The following NAA11 variants were observed in gnomAD, a reference collection of about 807,000 sequenced individuals.
NAA11 encodes the protein N-alpha-acetyltransferase 11.
Under a neutral mutation model 16.1 loss-of-function variants are expected in NAA11, and 15 were observed. The ratio of observed to expected loss-of-function variants is 0.93; its 90% CI spans 0.62 to 1.44. The LOEUF (loss-of-function observed/expected upper bound fraction) is 1.44, where lower values mean the gene tolerates loss of function less well. Ranked by LOEUF, NAA11 falls within the 40% of genes most tolerant of loss-of-function variation. NAA11 has a pLI of 0.00. For synonymous variants in NAA11, 122 were observed against 112.4 expected, an observed-to-expected ratio of 1.09 and a Z score of -0.54; for missense variants, 298 against 291.3, an observed-to-expected ratio of 1.02 and a Z score of -0.17.
the NAA11 span, among the ~76,000 whole-genome samples, chr4:79,206,406 A>AAT: frequency 6.6e-6 from 1 of 152,108 alleles, no homozygotes; most frequent in Non-Finnish European, 1.5e-5. Flanking sequence ...ATAAATAGTA[A>AAT]CTTCTCTTAG....
chr4:79,288,658 T>C (rs956702955), intron 2 of NAA11, among the ~76,000 whole-genome samples: 2 of 152,170 alleles, frequency 1.3e-5, no homozygotes, highest in East Asian at 1.9e-4. Flanking sequence ...TTTATAGATA[T>C]CATTATTTAC....
chr4:79,186,773 C>T, the NAA11 span, among the ~76,000 whole-genome samples: 27 of 152,050 alleles, frequency 1.8e-4, no homozygotes, highest in African/African-American at 5.5e-4. Context: ...TGAGTACCAA[C>T]GACAAGCCAG....
At chr4:79,299,902 A>G (rs773284759) in intron 1 of NAA11, among the ~76,000 whole-genome samples, 6 of 143,098 alleles carry the variant, frequency 4.2e-5, no homozygotes, top group Non-Finnish European at 7.5e-5. Flanking sequence ...TTTTGTTAGC[A>G]ATGGAGACTG....
At chr4:79,178,996 G>C in the NAA11 span, among the ~76,000 whole-genome samples, 1 of 152,112 alleles carries the variant, frequency 6.6e-6, no homozygotes, top group Non-Finnish European at 1.5e-5. Flanking sequence ...GAGAGAGAAG[G>C]GGTTTGGACT....
chr4:79,248,754 C>T (rs1389203413), intron 2 of NAA11, among the ~76,000 whole-genome samples: 1 of 152,204 alleles, frequency 6.6e-6, no homozygotes, highest in Non-Finnish European at 1.5e-5. Context: ...CCTGCATAAA[C>T]CTGCACGTGG....
chr4:79,323,725 G>A (rs1036204436), intron 1 of NAA11, among the ~76,000 whole-genome samples: 4 of 152,214 alleles, frequency 2.6e-5, no homozygotes, highest in African/African-American at 9.6e-5. Context: ...GGAGGCTGAG[G>A]CAGCGGAATG....
At chr4:79,283,532 T>C (rs539475758) in intron 2 of NAA11, among the ~76,000 whole-genome samples, 1 of 152,184 alleles carries the variant, frequency 6.6e-6, no homozygotes, top group South Asian at 2.1e-4. Context: ...GGAATTTCTG[T>C]TTGATTGCTT....
At chr4:79,249,364 G>C (rs567550453) in intron 2 of NAA11, among the ~76,000 whole-genome samples, 2 of 152,274 alleles carry the variant, frequency 1.3e-5, no homozygotes, top group South Asian at 4.1e-4. Flanking sequence ...AGGAATCTAA[G>C]GATTAGGATA....
the NAA11 span, among the ~76,000 whole-genome samples, chr4:79,167,938 G>A: frequency 1.3e-5 from 2 of 151,958 alleles, no homozygotes; most frequent in South Asian, 2.1e-4. Flanking sequence ...TTGTTACATA[G>A]GTGCACCTGT....
At chr4:79,218,732 G>A in the NAA11 span, among the ~76,000 whole-genome samples, 3 of 151,946 alleles carry the variant, frequency 2.0e-5, no homozygotes, top group Non-Finnish European at 4.4e-5. Context: ...CTTTACAATT[G>A]AGGTGTAATT....
chr4:79,231,777 C>G (rs964716832), intron 2 of NAA11, among the ~76,000 whole-genome samples: 1 of 151,608 alleles, frequency 6.6e-6, no homozygotes, highest in Non-Finnish European at 1.5e-5. Context: ...TCTAGATCCA[C>G]CACCAGTTTA....
In NAA11 at chr4:79,325,762, G is replaced by T; in HGVS notation, c.116C>A (p.Pro39His). ...ATCCTCAGCGATGTAAGAAAGCTGG[G>T]GCCAGGAAAGGCCATGATATAAATA... The part of the protein sequence containing the change: ...KYYLYHGLSW[P>H]QLSYIAEDED... Residue 39 changes from proline (P) to histidine (H), a missense_variant, in exon 1 of 2, where the codon CCC becomes CAC. Transcript: ENST00000286794. 2 of 1,614,154 alleles carry T rather than the reference G, an allele frequency of 1.2e-6. No individual in the cohort carries two copies. The highest frequency in any genetic ancestry group is 1.7e-6 in the Non-Finnish European group (2 of 1,180,014).
the NAA11 span, among the ~76,000 whole-genome samples, chr4:79,183,327 G>A: frequency 6.6e-6 from 1 of 152,066 alleles, no homozygotes. Context: ...AACAAATTTT[G>A]TGCCAAAGGA....
intron 1 of NAA11, among the ~76,000 whole-genome samples, chr4:79,298,288 A>C (rs867518495): frequency 6.6e-6 from 1 of 152,194 alleles, no homozygotes; most frequent in Admixed American, 6.5e-5. Context: ...AGAAGTCGGG[A>C]CCCACTGAAT....
At position 79,323,055 on chromosome 4, in the gene NAA11, ACTC is replaced by A. The variant is rs773095360; in HGVS notation, c.*12+2118_*12+2120del. On this transcript the variant is annotated intron_variant, in intron 1 of 1. Transcript: ENST00000286794. ...CAGTCTGTCTTGATCACTGCTGTAT[ACTC>A]AGCTCCAAGCCTAATGCCTGACAAA... Among the ~76,000 whole-genome samples, 28 of 152,350 alleles carry A rather than the reference ACTC, an allele frequency of 1.8e-4. No individual in the cohort carries two copies. The East Asian group carries it at 2.3e-3, about 13-fold the overall frequency.
chr4:79,228,101 T>C (rs565398903), intron 2 of NAA11: 1 of 152,150 alleles, frequency 6.6e-6, no homozygotes, highest in South Asian at 2.1e-4. Flanking sequence ...TGCCTGTTGA[T>C]AGAGTCCACT....
At chr4:79,324,747 C>T (rs546153995) in intron 1 of NAA11, among the ~76,000 whole-genome samples, 1 of 152,286 alleles carries the variant, frequency 6.6e-6, no homozygotes, top group African/African-American at 2.4e-5. Context: ...ACAAAGTGCT[C>T]CAACTTTTAC....
chr4:79,320,509 A>G (rs544130801), intron 1 of NAA11, among the ~76,000 whole-genome samples: 4 of 152,302 alleles, frequency 2.6e-5, no homozygotes, highest in South Asian at 4.1e-4. Flanking sequence ...CACTATCTGT[A>G]TAACATGCAG....
At chr4:79,241,978 T>C (rs1186084886) in intron 2 of NAA11, among the ~76,000 whole-genome samples, 1 of 152,200 alleles carries the variant, frequency 6.6e-6, no homozygotes, top group Admixed American at 6.5e-5. Flanking sequence ...ACATTGTCAA[T>C]AGAGGGCACT....
Sources: allele counts gnomAD v4.1 joint callset (sites outside exome capture counted in the v4.1 genomes callset), GRCh38; gene constraint gnomAD v4.1.1; transcripts MANE v1.5; gene names NCBI Gene and HGNC (gene_info 2026-07-23, HGNC 2026-07-21).